The following TGS1 variants were observed in gnomAD, a reference collection of about 807,000 sequenced individuals.
The protein encoded by TGS1 is trimethylguanosine synthase 1.
In TGS1, 69 loss-of-function variants were observed where a neutral mutation model predicts 92.2. The observed-to-expected ratio is 0.75, with a 90% confidence interval of 0.62 to 0.91. The LOEUF is 0.91. Among genes scored for constraint, TGS1 ranks in the 40% least tolerant of loss-of-function variants. The pLI is 0.00. For synonymous variants in TGS1, 345 were observed against 338.1 expected (o/e 1.02, Z -0.22); for missense variants, 1,062 against 1,001.2 (o/e 1.06, Z -0.82).
chr8:55,788,882 G>A (rs553370646), intron 4 of TGS1, among the ~76,000 whole-genome samples: 1 of 152,208 alleles, frequency 6.6e-6, no homozygotes, highest in African/African-American at 2.4e-5. Flanking sequence ...TTTGGCCTCT[G>A]ACTTACAGTC....
chr8:55,805,166 A>G, intron 10 of TGS1, 130 bp downstream of exon 10: 1 of 626,360 alleles, frequency 1.6e-6, no homozygotes, highest in Non-Finnish European at 2.4e-6. Context: ...GATATAAAAT[A>G]ATAGCTAGCA....
chr8:55,797,843 C>G (rs1812102128), intron 7 of TGS1, among the ~76,000 whole-genome samples: 1 of 152,180 alleles, frequency 6.6e-6, no homozygotes, highest in African/African-American at 2.4e-5. Context: ...AGTCAGATGA[C>G]TCTTTTTCCC....
intron 12 of TGS1, among the ~76,000 whole-genome samples, chr8:55,816,342 A>G (rs1050581987): frequency 6.6e-6 from 1 of 152,212 alleles, no homozygotes; most frequent in South Asian, 2.1e-4. Context: ...GCAGGCAGCA[A>G]TTATCAAACA....
intron 10 of TGS1, among the ~76,000 whole-genome samples, chr8:55,806,603 A>T (rs1339883637): frequency 6.6e-6 from 1 of 152,172 alleles, no homozygotes; most frequent in Non-Finnish European, 1.5e-5. Flanking sequence ...GTCCAAAATT[A>T]TACAGATTTT....
chr8:55,786,583 A>C lies in TGS1; in HGVS notation c.685A>C (p.Asn229His). The change falls in exon 4 of 13, where the codon AAC (asparagine) becomes CAC (histidine). Residue 229 changes from asparagine to histidine, a missense_variant. Transcript: ENST00000260129. ...PGQALSSEPW[N>H]FPDTKEEWEQ... ...TCAAGCACTATCTTCTGAACCTTGG[A>C]ACTTTCCTGATACAAAGGAAGAATG... 1 of 1,614,202 alleles carries C rather than the reference A, an allele frequency of 6.2e-7. No individual in the cohort carries two copies. Among genetic ancestry groups the C allele is most frequent in the Non-Finnish European group, 8.5e-7 (1 of 1,180,026 alleles).
intron 12 of TGS1, among the ~76,000 whole-genome samples, chr8:55,814,733 G>A (rs35111778): frequency 0.012 from 1,809 of 147,464 alleles, 34 homozygotes; most frequent in African/African-American, 0.043. Flanking sequence ...GCCGGGCATG[G>A]TGGCGGCGTG....
At chr8:55,813,628 A>T (rs1803395386) in intron 12 of TGS1, among the ~76,000 whole-genome samples, 1 of 152,134 alleles carries the variant, frequency 6.6e-6, no homozygotes, top group South Asian at 2.1e-4. Flanking sequence ...CTCTTATTTG[A>T]TACTATCAGA....
In TGS1 at chr8:55,790,183, T is replaced by G. The variant is rs1173681775; in HGVS notation, c.1164T>G (p.Asp388Glu). The change falls in exon 5 of 13, where the codon GAT (aspartate) becomes GAG (glutamate). Residue 388 changes from aspartate (D) to glutamate (E), a missense_variant and splice_region_variant. Transcript: ENST00000260129. ...ACTGCAATATTTCTGCCTCTTTAGA[T>G]TCACAGAAGTCTTCAGGAGCAAACA... is the stretch of plus-strand genomic sequence containing the variant. ...GNTNTDPPAE[D>E]SQKSSGANTS... 1 of 1,611,874 alleles carries G rather than the reference T, an allele frequency of 6.2e-7. No homozygotes were observed. Among genetic ancestry groups the G allele is most frequent in the African/African-American group, 1.3e-5 (1 of 74,846 alleles).
At chr8:55,801,550 A>G (rs1212258436) in intron 8 of TGS1, among the ~76,000 whole-genome samples, 1 of 130,912 alleles carries the variant, frequency 7.6e-6, no homozygotes, top group African/African-American at 2.9e-5. Flanking sequence ...CTGGGATTAT[A>G]GGCATGAACC....
At chr8:55,803,130 G>GGT (rs1554562881) in intron 9 of TGS1, among the ~76,000 whole-genome samples, 10,311 of 143,516 alleles carry the variant, frequency 0.072, 504 homozygotes, top group African/African-American at 0.15. Flanking sequence ...AATTTGGGGG[G>GGT]GTGTGTGTGT....
chr8:55,810,819 A>C, intron 10 of TGS1, 62 bp from the exon 11 acceptor site: 2 of 1,361,664 alleles, frequency 1.5e-6, no homozygotes, highest in Non-Finnish European at 2.1e-6. Context: ...CGAAAGACAA[A>C]CTATCCTATA....
intron 1 of TGS1, among the ~76,000 whole-genome samples, chr8:55,781,382 T>A (rs1272422426): frequency 2.0e-5 from 3 of 152,188 alleles, no homozygotes; most frequent in Non-Finnish European, 2.9e-5. Flanking sequence ...AAAAATTTTT[T>A]ATTTAAAAAC....
In TGS1 at chr8:55,786,831, TA is replaced by T; in HGVS notation, c.935del (p.Lys312ArgfsTer13). On this transcript the variant is annotated frameshift_variant, in exon 4 of 13. Coordinates refer to ENST00000260129, the MANE Select transcript of TGS1 (RefSeq NM_024831.8). LOFTEE classifies it high-confidence loss of function. ...VDNDSSGTSD[K>X]DHSEILDGIS... ...ATAATGATAGCTCTGGTACAAGTGATAAGGATCATAGTGAAATACTTGATGG... is the reference window on the plus strand; with the variant it reads ...ATAATGATAGCTCTGGTACAAGTGATAGGATCATAGTGAAATACTTGATGG... 6.2e-7 allele frequency: 1 copy of T among 1,614,184 alleles called. No homozygotes were observed. Among genetic ancestry groups the T allele is most frequent in the Non-Finnish European group, 8.5e-7 (1 of 1,180,004 alleles).
At chr8:55,810,301 C>T (rs181522447) in intron 10 of TGS1, among the ~76,000 whole-genome samples, 452 of 152,268 alleles carry the variant, frequency 3.0e-3, no homozygotes, top group African/African-American at 9.3e-3. Flanking sequence ...AAATGAAAGT[C>T]CATTTGGTGA....
At chr8:55,790,841 A>T (rs1010844011) in intron 5 of TGS1, among the ~76,000 whole-genome samples, 35 of 152,094 alleles carry the variant, frequency 2.3e-4, no homozygotes, top group Non-Finnish European at 4.6e-4. Context: ...TTAATTTCTC[A>T]TCTATAAGAT....
intron 1 of TGS1, among the ~76,000 whole-genome samples, chr8:55,779,766 T>TAA (rs1404462512): frequency 6.6e-6 from 1 of 152,248 alleles, no homozygotes; most frequent in East Asian, 1.9e-4. Context: ...GAATGACTTT[T>TAA]AAAACACTAT....
rs1226931255 is a variant in TGS1 at position 55,786,809 on chromosome 8, A to G, written c.911A>G (p.Asn304Ser). 1 of 1,614,058 alleles carries G rather than the reference A, an allele frequency of 6.2e-7. No individual in the cohort carries two copies. The highest frequency in any genetic ancestry group is 1.3e-5 in the African/African-American group (1 of 74,944). Residue 304 changes from asparagine (N) to serine (S), a missense_variant, in exon 4 of 13, where the codon AAT (asparagine) becomes AGT (serine). Asn to Ser is a conservative substitution (Grantham distance 46, BLOSUM62 1). Coordinates refer to ENST00000260129, the MANE Select transcript of TGS1 (RefSeq NM_024831.8). ...CCATCTTCACCTATTATGGTTGATA[A>G]TGATAGCTCTGGTACAAGTGATAAG... Reference protein sequence around the residue: ...SFPSSPIMVDNDSSGTSDKDH... With the variant: ...SFPSSPIMVDSDSSGTSDKDH...
intron 12 of TGS1, among the ~76,000 whole-genome samples, chr8:55,819,927 T>A (rs1036665808): frequency 6.6e-6 from 1 of 152,204 alleles, no homozygotes; most frequent in Non-Finnish European, 1.5e-5. Flanking sequence ...TGTGTGACAT[T>A]AGGTTTGTAG....
At position 55,773,505 on chromosome 8, in the gene TGS1, T is replaced by A. The variant is rs543907954; in HGVS notation, c.-114T>A. ...GCGAGCGGCCGCGGGCCAGTTTCTA[T>A]CTCCTCATCCAGGGCTTGCGGGCGA... On this transcript the variant is annotated 5_prime_UTR_variant, in exon 1 of 13. Coordinates refer to ENST00000260129, the MANE Select transcript of TGS1 (RefSeq NM_024831.8). 45 of 722,586 alleles carry A rather than the reference T, an allele frequency of 6.2e-5. No individual in the cohort carries two copies. Among genetic ancestry groups the A allele is most frequent in the Non-Finnish European group, 9.6e-5 (44 of 459,026 alleles). 44.8% of individuals were successfully genotyped at this position (722,586 alleles called of 1,614,324 possible).
Sources: allele counts gnomAD v4.1 joint callset (sites outside exome capture counted in the v4.1 genomes callset), GRCh38; gene constraint gnomAD v4.1.1; transcripts MANE v1.5; gene names NCBI Gene and HGNC (gene_info 2026-07-23, HGNC 2026-07-21).